LOC400499: variants seen among roughly 807,000 people sequenced by gnomAD.
chr16:11,484,884 G>A, the LOC400499 span: 31 of 399,202 alleles, frequency 7.8e-5, no homozygotes, highest in African/African-American at 4.1e-4. Flanking sequence ...CTTACCTTCT[G>A]CTGTAGGTAT....
chr16:11,448,063 G>A, the LOC400499 span: 1 of 1,534,936 alleles, frequency 6.5e-7, no homozygotes, highest in African/African-American at 1.4e-5. Context: ...CGACACCTGG[G>A]TCTTCCGGGG....
At chr16:11,496,278 G>GCTGGTCTCGAACTC in the LOC400499 span, among the ~76,000 whole-genome samples, 1 of 152,014 alleles carries the variant, frequency 6.6e-6, no homozygotes, top group Non-Finnish European at 1.5e-5. Context: ...TATTGGCCAG[G>GCTGGTCTCGAACTC]CTGGTCTCGA....
At chr16:11,523,403 C>T in the LOC400499 span, 1 of 398,756 alleles carries the variant, frequency 2.5e-6, no homozygotes, top group African/African-American at 2.1e-5. Flanking sequence ...ATCAGGCGTC[C>T]TGAGAGAATC....
the LOC400499 span, chr16:11,516,224 C>T: frequency 1.0e-5 from 4 of 399,652 alleles, no homozygotes; most frequent in East Asian, 3.6e-5. Flanking sequence ...CAGCACCCAG[C>T]GTGGCTCAGT....
the LOC400499 span, chr16:11,407,154 G>A: frequency 3.0e-5 from 12 of 398,648 alleles, no homozygotes; most frequent in Non-Finnish European, 5.3e-5. Context: ...TGTCCCAGAG[G>A]CCCCCCACCC....
chr16:11,394,582 T>A, the LOC400499 span, among the ~76,000 whole-genome samples: 33,264 of 152,264 alleles, frequency 0.22, 3,789 homozygotes, highest in African/African-American at 0.27. Flanking sequence ...TAACCTTCTA[T>A]ACCTGTGAAC....
At chr16:11,404,500 C>T in the LOC400499 span, among the ~76,000 whole-genome samples, 1 of 152,196 alleles carries the variant, frequency 6.6e-6, no homozygotes, top group Non-Finnish European at 1.5e-5. Context: ...GTGCCTGCCA[C>T]CATGCCTGGC....
chr16:11,483,447 T>C, the LOC400499 span, among the ~76,000 whole-genome samples: 1 of 152,216 alleles, frequency 6.6e-6, no homozygotes, highest in Non-Finnish European at 1.5e-5. Flanking sequence ...GGTATATCTA[T>C]ACAATGGAAT....
the LOC400499 span, among the ~76,000 whole-genome samples, chr16:11,419,469 A>C: frequency 6.8e-6 from 1 of 147,506 alleles, no homozygotes; most frequent in African/African-American, 2.6e-5. Context: ...TTAAAGACTT[A>C]AACGTTAGAC....
chr16:11,513,008 C>G, the LOC400499 span, among the ~76,000 whole-genome samples: 3 of 152,326 alleles, frequency 2.0e-5, no homozygotes, highest in East Asian at 3.9e-4. Flanking sequence ...CTGCAGAACA[C>G]ACGGCAGGGG....
the LOC400499 span, chr16:11,456,908 T>C: frequency 2.6e-6 from 4 of 1,536,168 alleles, no homozygotes; most frequent in African/African-American, 5.5e-5. Flanking sequence ...ACTGCCCGCC[T>C]GCCACAAACA....
At chr16:11,513,228 ACCCTG>A in the LOC400499 span, among the ~76,000 whole-genome samples, 1 of 117,268 alleles carries the variant, frequency 8.5e-6, no homozygotes, top group Admixed American at 9.7e-5. Context: ...ACATAGTGAA[ACCCTG>A]TCTCAACAAC....
chr16:11,498,628 C>G, the LOC400499 span, among the ~76,000 whole-genome samples: 3 of 152,002 alleles, frequency 2.0e-5, no homozygotes, highest in African/African-American at 7.2e-5. Flanking sequence ...CCGGTGCATT[C>G]CCAGAACCTG....
At chr16:11,478,983 C>T in the LOC400499 span, among the ~76,000 whole-genome samples, 1 of 152,218 alleles carries the variant, frequency 6.6e-6, no homozygotes, top group African/African-American at 2.4e-5. Context: ...TGCCTTCCAC[C>T]ATGATTTTGA....
At chr16:11,458,997 A>G in the LOC400499 span, among the ~76,000 whole-genome samples, 1 of 151,894 alleles carries the variant, frequency 6.6e-6, no homozygotes, top group Non-Finnish European at 1.5e-5. Flanking sequence ...AGATCATACC[A>G]TTGCACTCCA....
the LOC400499 span, among the ~76,000 whole-genome samples, chr16:11,479,865 C>G: frequency 6.6e-6 from 1 of 151,994 alleles, no homozygotes; most frequent in Non-Finnish European, 1.5e-5. Context: ...AACCCCACTG[C>G]GTCTCGTTGC....
the LOC400499 span, among the ~76,000 whole-genome samples, chr16:11,404,204 C>T: frequency 6.6e-6 from 1 of 152,170 alleles, no homozygotes; most frequent in Non-Finnish European, 1.5e-5. Flanking sequence ...CAGCCTTTCC[C>T]ACTCGTGGAA....
the LOC400499 span, chr16:11,471,849 C>A: frequency 2.5e-6 from 1 of 399,086 alleles, no homozygotes; most frequent in South Asian, 1.3e-4. Context: ...CAGCACTGGT[C>A]AGTGGAGACT....
chr16:11,415,644 G>A, the LOC400499 span, among the ~76,000 whole-genome samples: 1 of 152,216 alleles, frequency 6.6e-6, no homozygotes, highest in Non-Finnish European at 1.5e-5. Flanking sequence ...GGAGCACCCG[G>A]CTGTCAGAGA....
Sources: allele counts gnomAD v4.1 joint callset (sites outside exome capture counted in the v4.1 genomes callset), GRCh38; gene constraint gnomAD v4.1.1; transcripts MANE v1.5.